MACROD2: variants seen among roughly 807,000 people sequenced by gnomAD.
The protein encoded by MACROD2 is ADP-ribose glycohydrolase MACROD2.
MACROD2 carries 36 observed loss-of-function variants against 70.4 expected under a neutral mutation model. The ratio of observed to expected loss-of-function variants is 0.51; its 90% CI spans 0.39 to 0.68. MACROD2 has a LOEUF of 0.68. MACROD2 is among the 30% of genes least tolerant of loss of function. The probability of loss-of-function intolerance (pLI) is 0.00; values close to 1 mark genes in which losing one functional copy is unlikely to be tolerated. For missense variants in MACROD2, 496 were observed against 538.4 expected (o/e 0.92, Z 0.78); for synonymous variants, 172 against 178.8 (o/e 0.96, Z 0.30).
intron 8 of MACROD2, among the ~76,000 whole-genome samples, chr20:15,517,184 C>G (rs2047579851): frequency 6.6e-6 from 1 of 152,070 alleles, no homozygotes; most frequent in Non-Finnish European, 1.5e-5. Context: ...ACCATTTCTC[C>G]CTTGCTCCTA....
At chr20:15,859,670 T>G (rs564189163) in intron 8 of MACROD2, among the ~76,000 whole-genome samples, 1 of 152,298 alleles carries the variant, frequency 6.6e-6, no homozygotes, top group East Asian at 1.9e-4. Flanking sequence ...TCCAAGACAT[T>G]TTCCGTGTTA....
intron 5 of MACROD2, among the ~76,000 whole-genome samples, chr20:14,743,299 T>C (rs1417203582): frequency 1.3e-5 from 2 of 152,014 alleles, no homozygotes; most frequent in African/African-American, 4.8e-5. Context: ...TAGAGGGATG[T>C]TATATAGTTG....
chr20:14,362,592 G>A (rs1419297240), intron 3 of MACROD2, among the ~76,000 whole-genome samples: 1 of 152,044 alleles, frequency 6.6e-6, no homozygotes, highest in Non-Finnish European at 1.5e-5. Context: ...TGGTTTAATT[G>A]CTCTATCTAG....
Position 14,208,505 on chromosome 20 carries a change from A to C in MACROD2, c.271+122777A>C, listed in dbSNP as rs187344488. Among the ~76,000 whole-genome samples, 454 of 152,300 alleles carry C rather than the reference A, an allele frequency of 3.0e-3. 2 individuals are homozygous for C. The highest frequency in any genetic ancestry group is 0.01 in the African/African-American group (428 of 41,552). On this transcript the variant is annotated intron_variant, in intron 3 of 17. Coordinates refer to ENST00000684519, the MANE Select transcript of MACROD2 (RefSeq NM_001351661.2). ...CTCAGTTGTCACAACTGAAGAACCC[A>C]AGAGTTCAGAACAGATTAAAGCTGC...
intron 4 of MACROD2, among the ~76,000 whole-genome samples, chr20:14,524,621 A>T (rs2085208616): frequency 6.6e-6 from 1 of 152,238 alleles, no homozygotes; most frequent in South Asian, 2.1e-4. Flanking sequence ...CGTATACATC[A>T]CACCTGGGAT....
chr20:15,611,341 C>G (rs1470403633), intron 8 of MACROD2, among the ~76,000 whole-genome samples: 1 of 152,136 alleles, frequency 6.6e-6, no homozygotes, highest in Non-Finnish European at 1.5e-5. Flanking sequence ...GAAGCCTGCC[C>G]TCTGATTCTG....
At chr20:14,966,070 T>C (rs962925350) in intron 5 of MACROD2, among the ~76,000 whole-genome samples, 3 of 152,194 alleles carry the variant, frequency 2.0e-5, no homozygotes, top group Non-Finnish European at 4.4e-5. Flanking sequence ...TTATTACTCC[T>C]GAAGTGAAAG....
At chr20:15,679,676 C>T (rs965107056) in intron 8 of MACROD2, among the ~76,000 whole-genome samples, 2 of 152,136 alleles carry the variant, frequency 1.3e-5, no homozygotes, top group Non-Finnish European at 2.9e-5. Context: ...GGAAAGACCA[C>T]ACAGAGGGAC....
intron 3 of MACROD2, among the ~76,000 whole-genome samples, chr20:14,118,934 C>G (rs2054546267): frequency 6.6e-6 from 1 of 150,994 alleles, no homozygotes; most frequent in African/African-American, 2.4e-5. Flanking sequence ...CCACCTCTGC[C>G]TCCCAGGTTC....
chr20:15,842,986 A>C (rs1382572036), intron 8 of MACROD2, among the ~76,000 whole-genome samples: 1 of 152,168 alleles, frequency 6.6e-6, no homozygotes, highest in Non-Finnish European at 1.5e-5. Flanking sequence ...TAGAGTAGGC[A>C]CCTAGAAAAG....
chr20:14,089,200 C>G (rs1327427180), intron 3 of MACROD2, among the ~76,000 whole-genome samples: 1 of 152,192 alleles, frequency 6.6e-6, no homozygotes, highest in Non-Finnish European at 1.5e-5. Context: ...AGGATAGTCT[C>G]ATCAGGAAGA....
intron 8 of MACROD2, among the ~76,000 whole-genome samples, chr20:15,562,014 C>T (rs1329981518): frequency 1.3e-5 from 2 of 152,126 alleles, no homozygotes; most frequent in African/African-American, 4.8e-5. Context: ...TGGAAGGAAG[C>T]AGCCTCTCTC....
chr20:14,460,604 C>A (rs948245748), intron 3 of MACROD2, among the ~76,000 whole-genome samples: 2 of 151,964 alleles, frequency 1.3e-5, no homozygotes, highest in African/African-American at 2.4e-5. Context: ...CCATCAATAC[C>A]AATTTATTGT....
At chr20:16,011,783 AG>A (rs2066866732) in intron 15 of MACROD2, among the ~76,000 whole-genome samples, 1 of 152,210 alleles carries the variant, frequency 6.6e-6, no homozygotes, top group South Asian at 2.1e-4. Context: ...GCTGCCTGTC[AG>A]GGGCTCCGGC....
intron 3 of MACROD2, among the ~76,000 whole-genome samples, chr20:14,423,447 C>T (rs1165255036): frequency 6.6e-6 from 1 of 151,656 alleles, no homozygotes; most frequent in South Asian, 2.1e-4. Flanking sequence ...CGCCTGTAAT[C>T]CCAGCACTTT....
intron 3 of MACROD2, among the ~76,000 whole-genome samples, chr20:14,238,153 T>C (rs1356486983): frequency 6.6e-6 from 1 of 152,154 alleles, no homozygotes; most frequent in African/African-American, 2.4e-5. Context: ...TAGTTTACAG[T>C]CCCACCAACA....
intron 13 of MACROD2, among the ~76,000 whole-genome samples, chr20:15,979,908 A>G (rs995140453): frequency 4.6e-5 from 7 of 152,302 alleles, no homozygotes; most frequent in Non-Finnish European, 7.4e-5. Flanking sequence ...CTCAGACACC[A>G]AGTTGTAGAA....
At chr20:15,682,069 G>A (rs1048528904) in intron 8 of MACROD2, among the ~76,000 whole-genome samples, 8 of 152,162 alleles carry the variant, frequency 5.3e-5, no homozygotes, top group Non-Finnish European at 1.2e-4. Flanking sequence ...TGTCAATCCT[G>A]TGAGAATATG....
At chr20:14,180,389 A>G (rs144941225) in intron 3 of MACROD2, among the ~76,000 whole-genome samples, 16 of 152,270 alleles carry the variant, frequency 1.1e-4, no homozygotes, top group African/African-American at 3.1e-4. Flanking sequence ...TTGATATTCT[A>G]TGGTGAGTGC....
Sources: allele counts gnomAD v4.1 joint callset (sites outside exome capture counted in the v4.1 genomes callset), GRCh38; gene constraint gnomAD v4.1.1; transcripts MANE v1.5; gene names NCBI Gene and HGNC (gene_info 2026-07-23, HGNC 2026-07-21).